GALK2: variants seen among roughly 807,000 people sequenced by gnomAD.
GALK2 encodes N-acetylgalactosamine kinase.
GALK2 carries 36 observed loss-of-function variants against 52.4 expected under a neutral mutation model. The ratio of observed to expected loss-of-function variants is 0.69; its 90% CI spans 0.53 to 0.91. The LOEUF is 0.91. Ranked by LOEUF, GALK2 falls within the 40% of genes least tolerant of loss-of-function variation. The pLI, the probability that GALK2 is intolerant of heterozygous loss-of-function variation, is 0.00. For synonymous variants in GALK2, 176 were observed against 199.1 expected (o/e 0.88, Z 0.98); for missense variants, 579 against 559.1 (o/e 1.04, Z -0.36).
chr15:49,255,029 C>A lies in GALK2; in HGVS notation c.504+15662C>A, dbSNP rs762032227. 1.9e-4 allele frequency among the ~76,000 whole-genome samples: 27 copies of A among 143,318 alleles called. 5 individuals are homozygous for A. Among genetic ancestry groups the A allele is most frequent in the Non-Finnish European group, 3.9e-4 (25 of 63,874 alleles). 94.0% of individuals were successfully genotyped at this position (143,318 alleles called of 152,430 possible). ...TTCTGAGCCATTTGGGAATTAATTGCGGACATCACCTCTGAGTACATCAAT... is the reference window on the plus strand; with the variant it reads ...TTCTGAGCCATTTGGGAATTAATTGAGGACATCACCTCTGAGTACATCAAT... On this transcript the variant is annotated intron_variant, in intron 5 of 9. Coordinates refer to ENST00000560031, the MANE Select transcript of GALK2 (RefSeq NM_002044.4).
chr15:49,170,419 CT>C, intron 1 of GALK2, 44 bp downstream of exon 1: 1 of 1,553,698 alleles, frequency 6.4e-7, no homozygotes, highest in Non-Finnish European at 8.7e-7. Flanking sequence ...GCTGGGTTGG[CT>C]ACGTGTAGAT....
intron 3 of GALK2, among the ~76,000 whole-genome samples, chr15:49,232,266 G>T (rs2090543532): frequency 6.6e-6 from 1 of 152,196 alleles, no homozygotes; most frequent in Non-Finnish European, 1.5e-5. Context: ...AGCAGCCTGA[G>T]CTGTATCTGA....
chr15:49,356,066 G>A (rs889610407), intron 3 of GALK2, among the ~76,000 whole-genome samples: 1 of 146,770 alleles, frequency 6.8e-6, no homozygotes, highest in Non-Finnish European at 1.5e-5. Context: ...CAACAGGCCT[G>A]CCTTACAAGA....
chr15:49,360,705 A>G (rs557042462), intron 3 of GALK2, among the ~76,000 whole-genome samples: 2 of 152,324 alleles, frequency 1.3e-5, no homozygotes, highest in East Asian at 3.9e-4. Context: ...CATAATTCAA[A>G]TATCAAGTGA....
At chr15:49,291,270 T>C (rs1442589901) in intron 7 of GALK2, among the ~76,000 whole-genome samples, 4 of 152,206 alleles carry the variant, frequency 2.6e-5, no homozygotes, top group African/African-American at 7.2e-5. Flanking sequence ...TTAAAATCAT[T>C]AACTCATTTC....
chr15:49,278,876 T>C (rs1226752093), intron 5 of GALK2, among the ~76,000 whole-genome samples: 1 of 152,250 alleles, frequency 6.6e-6, no homozygotes, highest in Non-Finnish European at 1.5e-5. Flanking sequence ...CAGTTCCACA[T>C]TGCTGGGGCA....
At chr15:49,156,612 A>G in intron 1 of GALK2, 1 of 521,608 alleles carries the variant, frequency 1.9e-6, no homozygotes, top group South Asian at 1.5e-5. Flanking sequence ...AGATTGCCGA[A>G]AGGCCATCAC....
chr15:49,347,160 G>A (rs920869891), intron 3 of GALK2, among the ~76,000 whole-genome samples: 22 of 152,008 alleles, frequency 1.4e-4, no homozygotes, highest in Admixed American at 3.3e-4. Flanking sequence ...TTGAGGGAAG[G>A]GCTATTGAAA....
intron 1 of GALK2, among the ~76,000 whole-genome samples, chr15:49,196,719 T>C (rs2087266674): frequency 6.6e-6 from 1 of 152,260 alleles, no homozygotes; most frequent in African/African-American, 2.4e-5. Flanking sequence ...AATGTATTTC[T>C]ACCTTTATTT....
intron 8 of GALK2, among the ~76,000 whole-genome samples, chr15:49,316,778 T>C (rs1158250993): frequency 2.0e-5 from 3 of 152,144 alleles, no homozygotes; most frequent in African/African-American, 7.2e-5. Context: ...AAAGGAGATT[T>C]TGAAGGATGT....
intron 8 of GALK2, among the ~76,000 whole-genome samples, chr15:49,296,626 G>A (rs1355276804): frequency 6.7e-6 from 1 of 149,510 alleles, no homozygotes; most frequent in African/African-American, 2.5e-5. Context: ...TTAAGACAGA[G>A]TTTCACTCTG....
intron 4 of GALK2, among the ~76,000 whole-genome samples, chr15:49,236,360 T>G (rs1390550807): frequency 1.3e-5 from 2 of 152,194 alleles, no homozygotes; most frequent in African/African-American, 4.8e-5. Flanking sequence ...CTCAGATTTA[T>G]CCATAAAATG....
chr15:49,366,600 T>C (rs1180222888), intron 3 of GALK2: 21 of 1,600,420 alleles, frequency 1.3e-5, no homozygotes, highest in Non-Finnish European at 1.5e-5. Context: ...GCATGCAAGA[T>C]TGCTTCCTGA....
chr15:49,315,019 A>G (rs1262325707), intron 8 of GALK2, among the ~76,000 whole-genome samples: 1 of 152,280 alleles, frequency 6.6e-6, no homozygotes, highest in Non-Finnish European at 1.5e-5. Flanking sequence ...TATACAAGCC[A>G]AAATTATTAG....
At chr15:49,217,364 C>A (rs1479773428) in intron 3 of GALK2, 51 bp downstream of exon 3, 2 of 1,572,354 alleles carry the variant, frequency 1.3e-6, no homozygotes, top group Non-Finnish European at 1.7e-6. Context: ...CTGTTTGTAC[C>A]CAAATGAACT....
At chr15:49,182,533 A>G (rs1400659790) in intron 1 of GALK2, among the ~76,000 whole-genome samples, 3 of 152,008 alleles carry the variant, frequency 2.0e-5, no homozygotes, top group African/African-American at 7.3e-5. Context: ...ATCATAAGGT[A>G]GTTCTATTTT....
intron 5 of GALK2, among the ~76,000 whole-genome samples, chr15:49,240,316 A>G (rs540268998): frequency 3.4e-4 from 52 of 152,230 alleles, no homozygotes; most frequent in Middle Eastern, 3.4e-3. Context: ...CCCTGGTACA[A>G]TTTTCAATCT....
rs151008706 is a variant in GALK2, at chr15:49,211,841, A to G, written c.143-5349A>G. Among the ~76,000 whole-genome samples the G allele has an allele frequency of 6.5e-3, 996 of 152,222 alleles. 15 individuals carry two copies. The highest frequency in any genetic ancestry group is 0.023 in the African/African-American group (938 of 41,532). ...TAAGCCATTAGAAACCACCTCCATG[A>G]TTCAATCAACACCCACCAGGCTTCA... On this transcript the variant is annotated intron_variant, in intron 2 of 9. Coordinates refer to ENST00000560031, the MANE Select transcript of GALK2 (RefSeq NM_002044.4).
upstream of GALK2, chr15:49,170,098 G>A: frequency 9.9e-7 from 1 of 1,007,398 alleles, no homozygotes; most frequent in Non-Finnish European, 1.4e-6. Context: ...GACGGAGGCT[G>A]TACCTGACTG....
Sources: allele counts gnomAD v4.1 joint callset (sites outside exome capture counted in the v4.1 genomes callset), GRCh38; gene constraint gnomAD v4.1.1; transcripts MANE v1.5; gene names NCBI Gene and HGNC (gene_info 2026-07-23, HGNC 2026-07-21).